SLC2A8: variants seen among roughly 807,000 people sequenced by gnomAD.
The protein encoded by SLC2A8 is solute carrier family 2 member 8, also known as solute carrier family 2, facilitated glucose transporter member 8.
In SLC2A8, 53 loss-of-function variants were observed where a neutral mutation model predicts 49.2. The ratio of observed to expected loss-of-function variants is 1.08; its 90% confidence interval spans 0.86 to 1.35. The LOEUF (loss-of-function observed/expected upper bound fraction) is 1.35. Ranked by LOEUF, SLC2A8 falls within the 40% of genes most tolerant of loss-of-function variation. The pLI is 0.00. For synonymous variants in SLC2A8, 299 were observed against 297.0 expected (o/e 1.01, Z -0.07); for missense variants, 688 against 671.7 (o/e 1.02, Z -0.27).
chr9:127,404,714 T>C, intron 7 of SLC2A8, 104 bp from the exon 8 acceptor site: 2 of 1,327,212 alleles, frequency 1.5e-6, no homozygotes, highest in Non-Finnish European at 1.0e-6. Context: ...AGCTGGCCGT[T>C]CTCTGGGAGC....
chr9:127,397,331 G>T, intron 1 of SLC2A8, 45 bp downstream of exon 1: 1 of 1,361,658 alleles, frequency 7.3e-7, no homozygotes, highest in East Asian at 3.3e-5. Flanking sequence ...TCGCCCTCCC[G>T]CCCCTCCGCG....
chr9:127,403,017 G>C (rs1299982017), intron 5 of SLC2A8, among the ~76,000 whole-genome samples: 26 of 152,250 alleles, frequency 1.7e-4, no homozygotes, highest in Non-Finnish European at 1.5e-5. Flanking sequence ...AGAATGGCCA[G>C]GCCTGGTGGG....
chr9:127,407,078 C>G (rs1393878014), intron 9 of SLC2A8, 34 bp from the exon 10 acceptor site: 3 of 1,610,254 alleles, frequency 1.9e-6, no homozygotes, highest in Non-Finnish European at 2.5e-6. Context: ...TGATCTCTCC[C>G]CGCGTCCACC....
chr9:127,406,780 T>G (rs1443239191), intron 9 of SLC2A8, among the ~76,000 whole-genome samples: 3 of 151,532 alleles, frequency 2.0e-5, no homozygotes, highest in Non-Finnish European at 4.4e-5. Context: ...AGGGTTGGTC[T>G]GTGGGCCCTG....
chr9:127,407,721 A>T lies in SLC2A8; in HGVS notation c.*472A>T, dbSNP rs3088163. ...CTCAGTTTGAAAAGGGTTTATTCCCATCACTGCCCAGGACACCCTGTGGCT... is the reference window on the plus strand; with the variant it reads ...CTCAGTTTGAAAAGGGTTTATTCCCTTCACTGCCCAGGACACCCTGTGGCT... On this transcript the variant is annotated 3_prime_UTR_variant, in exon 10 of 10. Transcript: ENST00000373371. The T allele has an allele frequency of 0.32, 79,223 of 247,838 alleles. 13,994 individuals carry two copies. Among genetic ancestry groups the T allele is most frequent in the Middle Eastern group, 0.44 (261 of 594 alleles). The allele number at this position is 247,838 out of a possible 1,614,324, so 15.4% of individuals were successfully genotyped here.
Position 127,404,916 on chromosome 9 carries a change from G to A in SLC2A8, c.1075G>A (p.Val359Ile). Residue 359 changes from valine to isoleucine, a missense_variant, in exon 8 of 10, where the codon GTC (valine) becomes ATC (isoleucine). By Grantham distance (29) the Val-to-Ile change is conservative. Transcript: ENST00000373371. ...CTCGCACGTGGCCATCTCGGCGCCT[G>A]TCTCTGCACAGCCTGTTGATGCCAG... ...NSSHVAISAPVSAQPVDASVG... is the reference protein window; with the variant it reads ...NSSHVAISAPISAQPVDASVG... The A allele has an allele frequency of 6.2e-7, 1 of 1,612,496 alleles. No homozygotes were observed. The highest frequency in any genetic ancestry group is 8.5e-7 in the Non-Finnish European group (1 of 1,179,846).
At position 127,405,592 on chromosome 9, in the gene SLC2A8, G is replaced by A. The variant is rs778963818; in HGVS notation, c.1296+27G>A. The A allele has an allele frequency of 3.4e-5, 55 of 1,612,036 alleles. No homozygotes were observed. The South Asian group carries it at 4.0e-4, about 12-fold the overall frequency. On this transcript the variant is annotated intron_variant, in intron 9 of 9. Transcript: ENST00000373371. ...TGAGGGCAGGCTCCACCAGCACCGC[G>A]TTCGTGCAGTCAGCCGAGAAGCACT...
intron 4 of SLC2A8, 131 bp downstream of exon 4, chr9:127,400,137 G>T (rs960433444): frequency 1.6e-6 from 1 of 612,534 alleles, no homozygotes; most frequent in Non-Finnish European, 2.8e-6. Flanking sequence ...TGCCAGGCTC[G>T]CCTTCCTGGG....
At chr9:127,407,066 C>T in intron 9 of SLC2A8, 46 bp from the exon 10 acceptor site, 2 of 1,606,234 alleles carry the variant, frequency 1.2e-6, no homozygotes, top group Non-Finnish European at 1.7e-6. Flanking sequence ...CGTGGGGCTT[C>T]CTGATCTCTC....
chr9:127,397,685 G>T (rs866256471), intron 2 of SLC2A8, 147 bp downstream of exon 2: 4 of 1,200,926 alleles, frequency 3.3e-6, no homozygotes, highest in East Asian at 3.0e-5. Flanking sequence ...CAGGCATTGG[G>T]CCTCTCTGCC....
chr9:127,403,897 G>A, intron 6 of SLC2A8, 62 bp from the exon 7 acceptor site: 1 of 1,600,758 alleles, frequency 6.2e-7, no homozygotes, highest in South Asian at 1.1e-5. Context: ...CACAGGCCTG[G>A]AGAGGGAGGG....
At chr9:127,400,166 C>CTTTTTTTTTT (rs796202714) in intron 4 of SLC2A8, among the ~76,000 whole-genome samples, 160 bp downstream of exon 4, 10 of 116,830 alleles carry the variant, frequency 8.6e-5, no homozygotes, top group East Asian at 2.9e-4. Flanking sequence ...ATAGGTGAGT[C>CTTTTTTTTTT]TTTTTTTTTT....
rs1245762522 is a variant in SLC2A8, at chr9:127,407,407, G to A, written c.*158G>A. ...TGCTCCCTCCAGCCCATGACCCGGGGCTAGGAGGCTCACTGCCTCCTGTTC... is the reference window on the plus strand; with the variant it reads ...TGCTCCCTCCAGCCCATGACCCGGGACTAGGAGGCTCACTGCCTCCTGTTC... On this transcript the variant is annotated 3_prime_UTR_variant, in exon 10 of 10. Transcript: ENST00000373371. 1.1e-6 allele frequency: 1 copy of A among 920,674 alleles called. No homozygotes were observed. Among genetic ancestry groups the A allele is most frequent in the Non-Finnish European group, 1.8e-6 (1 of 568,676 alleles). 57.0% of individuals were successfully genotyped at this position (920,674 alleles called of 1,614,324 possible). A position where few individuals can be genotyped will look rare whatever the true frequency, so the allele number is the denominator to read the frequency against.
At chr9:127,398,201 T>C (rs1833121162) in intron 3 of SLC2A8, 90 bp downstream of exon 3, 12 of 1,382,766 alleles carry the variant, frequency 8.7e-6, no homozygotes, top group South Asian at 8.4e-5. Context: ...GGGGCGCGGC[T>C]CCCCCTGGCG....
chr9:127,404,734 C>A, intron 7 of SLC2A8, 84 bp from the exon 8 acceptor site: 1 of 1,448,566 alleles, frequency 6.9e-7, no homozygotes, highest in Non-Finnish European at 9.3e-7. Context: ...CCGGGCCTGC[C>A]CCTCTCAGAG....
chr9:127,399,866 C>A lies in SLC2A8; in HGVS notation c.427-41C>A. The A allele has an allele frequency of 1.3e-6, 2 of 1,562,402 alleles. No individual in the cohort carries two copies. Among genetic ancestry groups the A allele is most frequent in the Non-Finnish European group, 8.8e-7 (1 of 1,135,260 alleles). Reference sequence around the variant, plus strand: ...AGAGTGCTGGGATTGCAGGCATGAGCCACTGCGCCCAGCCATAAATCCTCA... The same window carrying A: ...AGAGTGCTGGGATTGCAGGCATGAGACACTGCGCCCAGCCATAAATCCTCA... On this transcript the variant is annotated intron_variant, in intron 3 of 9. Coordinates refer to ENST00000373371, the MANE Select transcript of SLC2A8 (RefSeq NM_014580.5). This position sits in a 1 kb window ranked among gnomAD's most constrained non-coding sequence, Gnocchi z 4.2.
chr9:127,405,460 G>A lies in SLC2A8; in HGVS notation c.1191G>A (p.Met397Ile), dbSNP rs560931328. The change falls in exon 9 of 10, where the codon ATG becomes ATA. Residue 397 changes from methionine (M) to isoleucine (I), a missense_variant. Transcript: ENST00000373371. ...GGGGGCCCATCCCCTGGCTCCTCAT[G>A]TCAGAGATCTTCCCTCTGCATGTCA... ...VGWGPIPWLL[M>I]SEIFPLHVKG... is the part of the protein sequence containing the mutation. 1.9e-6 allele frequency: 3 copies of A among 1,613,032 alleles called. No individual in the cohort carries two copies. Among genetic ancestry groups the A allele is most frequent in the Non-Finnish European group, 2.5e-6 (3 of 1,180,010 alleles).
intron 4 of SLC2A8, 28 bp from the exon 5 acceptor site, chr9:127,402,529 G>T: frequency 6.7e-7 from 1 of 1,490,228 alleles, no homozygotes. Flanking sequence ...TGGCTCTGAC[G>T]CCAGCCTCCT....
In SLC2A8 at chr9:127,405,464, G is replaced by C. The variant is rs917779007; in HGVS notation, c.1195G>C (p.Glu399Gln). 2 of 1,612,950 alleles carry C rather than the reference G, an allele frequency of 1.2e-6. No individual in the cohort carries two copies. The highest frequency in any genetic ancestry group is 2.7e-5 in the African/African-American group (2 of 74,936). Residue 399 changes from glutamate to glutamine, a missense_variant, in exon 9 of 10, where the codon GAG becomes CAG. Transcript: ENST00000373371. ...WGPIPWLLMS[E>Q]IFPLHVKGVA... ...GCCCATCCCCTGGCTCCTCATGTCA[G>C]AGATCTTCCCTCTGCATGTCAAGGG...
Sources: gnomAD v4.1 joint callset for allele counts (sites outside exome capture counted in the v4.1 genomes callset) on GRCh38, gnomAD v4.1.1 for gene constraint, Gnocchi (gnomAD v3.1) non-coding constraint, MANE v1.5 for transcripts, NCBI Gene and HGNC (gene_info 2026-07-23, HGNC 2026-07-21) for gene names.